Variants in CPEB4 observed in about 807,000 individuals in gnomAD.
CPEB4 encodes cytoplasmic polyadenylation element binding protein 4.
CPEB4 carries 12 observed loss-of-function variants against 72.5 expected under a neutral mutation model. That is an observed-to-expected ratio of 0.17 (90% CI 0.11 to 0.27). CPEB4 has a LOEUF of 0.27. Ranked by LOEUF, CPEB4 falls within the 10% of genes least tolerant of loss-of-function variation. The pLI is 1.00. For synonymous variants in CPEB4, 302 were observed against 326.3 expected (o/e 0.93, Z 0.80); for missense variants, 614 against 908.5 (o/e 0.68, Z 4.17).
chr5:173,890,119 G>T lies in CPEB4; in HGVS notation c.386G>T (p.Gly129Val). 1 of 1,614,160 alleles carries T rather than the reference G, an allele frequency of 6.2e-7. No homozygotes were observed. The highest frequency in any genetic ancestry group is 1.6e-4 in the Middle Eastern group (1 of 6,062). ...QGDNSSENGNGKEKIRIESPV... is the reference protein window; with the variant it reads ...QGDNSSENGNVKEKIRIESPV... ...GACAATTCTTCGGAAAATGGCAATG[G>T]GAAGGAGAAAATAAGGATCGAATCT... The change falls in exon 1 of 10, where the codon GGG becomes GTG. Residue 129 changes from glycine (G) to valine (V), a missense_variant. Around this residue, in one of 5 missense-constraint regions of CPEB4, gnomAD observed 458 missense variants for 548.6 expected, o/e 0.83. Transcript: ENST00000265085.
rs1326786955 is a variant in CPEB4, at chr5:173,945,050, C to T, written c.1366C>T (p.Pro456Ser). Residue 456 changes from proline (P) to serine (S), a missense_variant, in exon 5 of 10, where the codon CCT becomes TCT. Coordinates refer to ENST00000265085, the MANE Select transcript of CPEB4 (RefSeq NM_030627.4). ...GCCTCTTCATAGTGGCCTGGGTTCACCTCACTGCTTCAGTCACCAGAATGG... is the reference window on the plus strand; with the variant it reads ...GCCTCTTCATAGTGGCCTGGGTTCATCTCACTGCTTCAGTCACCAGAATGG... ...DQPLHSGLGS[P>S]HCFSHQNGER... The T allele has an allele frequency of 9.9e-6, 16 of 1,613,874 alleles. No homozygotes were observed. The East Asian group carries it at 3.6e-4, about 36-fold the overall frequency.
intron 1 of CPEB4, among the ~76,000 whole-genome samples, chr5:173,896,619 T>G (rs1756021776): frequency 6.6e-6 from 1 of 152,246 alleles, no homozygotes. Flanking sequence ...TGACTCTGAA[T>G]TTGAATGTAA....
chr5:173,923,063 TAAC>T (rs1458982663), intron 2 of CPEB4, among the ~76,000 whole-genome samples: 1 of 152,174 alleles, frequency 6.6e-6, no homozygotes, highest in East Asian at 1.9e-4. Context: ...TTCTGAGAAA[TAAC>T]AAAAGGTGAA....
Position 173,955,826 on chromosome 5 carries a change from C to A in CPEB4, c.1963-84C>A. ...TTGGGCACCTTGGAACAGATTCATT[C>A]AGATAGTGGGTGGAAATGTACATGT... is the stretch of plus-strand genomic sequence containing the variant. On this transcript the variant is annotated intron_variant, in intron 9 of 9. Transcript: ENST00000265085. This position sits in a 1 kb window ranked among gnomAD's most constrained non-coding sequence, Gnocchi z 4.7. 9.1e-7 allele frequency: 1 copy of A among 1,094,504 alleles called. No homozygotes were observed. Among genetic ancestry groups the A allele is most frequent in the Non-Finnish European group, 1.3e-6 (1 of 742,608 alleles). 67.8% of individuals were successfully genotyped at this position (1,094,504 alleles called of 1,614,324 possible).
intron 1 of CPEB4, among the ~76,000 whole-genome samples, chr5:173,908,571 G>A (rs1379778684): frequency 6.6e-6 from 1 of 152,226 alleles, no homozygotes; most frequent in African/African-American, 2.4e-5. Context: ...TCTGCATGAT[G>A]AGATGGGGTC....
Position 173,888,857 on chromosome 5 carries a change from C to A in CPEB4, c.-877C>A, listed in dbSNP as rs926224653. On this transcript the variant is annotated 5_prime_UTR_variant, in exon 1 of 10. Transcript: ENST00000265085. The surrounding 1 kb of genome is among the most constrained non-coding windows in gnomAD (Gnocchi z 4.3). Reference sequence around the variant, plus strand: ...TCCCCGCACCCCCAGGCCGCCCGCTCACCCTCGTCGAGTCTCGCTAATCCC... The same window carrying A: ...TCCCCGCACCCCCAGGCCGCCCGCTAACCCTCGTCGAGTCTCGCTAATCCC... The A allele has an allele frequency of 1.1e-5, 3 of 274,668 alleles. No homozygotes were observed. The highest frequency in any genetic ancestry group is 2.0e-5 in the Non-Finnish European group (3 of 148,530). 17.0% of individuals were successfully genotyped at this position (274,668 alleles called of 1,614,324 possible). A position where few individuals can be genotyped will look rare whatever the true frequency, so the allele number is the denominator to read the frequency against.
In CPEB4 at chr5:173,961,935, A is replaced by C. The variant is rs1758562943; in HGVS notation, c.*5798A>C. ...AGAGGACTAGGATAGTCCTTTCCACAAGAAAAAGACAAAAAAAAATAAAGT... is the reference window on the plus strand; with the variant it reads ...AGAGGACTAGGATAGTCCTTTCCACCAGAAAAAGACAAAAAAAAATAAAGT... On this transcript the variant is annotated 3_prime_UTR_variant, in exon 10 of 10. Coordinates refer to ENST00000265085, the MANE Select transcript of CPEB4 (RefSeq NM_030627.4). 6.9e-6 allele frequency: 1 copy of C among 144,254 alleles called. No individual in the cohort carries two copies. The highest frequency in any genetic ancestry group is 2.4e-5 in the African/African-American group (1 of 41,142). 8.9% of individuals were successfully genotyped at this position (144,254 alleles called of 1,614,324 possible).
Position 173,960,632 on chromosome 5 carries a change from A to G in CPEB4, c.*4495A>G, listed in dbSNP as rs1758519765. The G allele has an allele frequency of 6.6e-6, 1 of 152,240 alleles. No individual in the cohort carries two copies. The highest frequency in any genetic ancestry group is 6.5e-5 in the Admixed American group (1 of 15,286). The allele number at this position is 152,240 out of a possible 1,614,324, so 9.4% of individuals were successfully genotyped here. ...GCATTCAGTTATCAGTTGAAGGCCA[A>G]ATGCCCAACAAAAGTGAAAAACCCA... On this transcript the variant is annotated 3_prime_UTR_variant, in exon 10 of 10. Transcript: ENST00000265085.
intron 5 of CPEB4, 75 bp from the exon 6 acceptor site, chr5:173,949,433 A>C: frequency 9.3e-7 from 1 of 1,078,916 alleles, no homozygotes; most frequent in South Asian, 1.4e-5. Context: ...AGTAGATTTG[A>C]AACTTAAAAG....
At chr5:173,909,766 A>T (rs1756574846) in intron 1 of CPEB4, among the ~76,000 whole-genome samples, 1 of 152,022 alleles carries the variant, frequency 6.6e-6, no homozygotes, top group Non-Finnish European at 1.5e-5. Context: ...TTGGGAGGCT[A>T]GGCAGGTGGA....
At chr5:173,934,219 C>G (rs1348461912) in intron 3 of CPEB4, among the ~76,000 whole-genome samples, 3 of 152,110 alleles carry the variant, frequency 2.0e-5, no homozygotes, top group Non-Finnish European at 4.4e-5. Context: ...ATGAGATTGC[C>G]TTTCCTTTTT....
chr5:173,945,131 A>G lies in CPEB4; in HGVS notation c.1447A>G (p.Ile483Val). 1.9e-6 allele frequency: 3 copies of G among 1,613,600 alleles called. No individual in the cohort carries two copies. The highest frequency in any genetic ancestry group is 2.2e-5 in the South Asian group (2 of 91,032). The stretch of plus-strand genomic sequence containing the variant: ...GTTTGTAGGCGGATTGCCTCCAGAC[A>G]TTGATGAAGGTATGTTTAGAACTGT... ...KVFVGGLPPDIDEDEITASFR... is the reference protein window; with the variant it reads ...KVFVGGLPPDVDEDEITASFR... Residue 483 changes from isoleucine (I) to valine (V), a missense_variant, in exon 5 of 10, where the codon ATT (isoleucine) becomes GTT (valine). Physicochemically the swap from Ile to Val is conservative, Grantham distance 29. Coordinates refer to ENST00000265085, the MANE Select transcript of CPEB4 (RefSeq NM_030627.4).
chr5:173,903,085 C>T (rs1473675537), intron 1 of CPEB4, among the ~76,000 whole-genome samples: 1 of 149,510 alleles, frequency 6.7e-6, no homozygotes, highest in African/African-American at 2.5e-5. Context: ...AAGCTATATG[C>T]TTAAGATATG....
At chr5:173,907,971 G>A (rs1282605621) in intron 1 of CPEB4, among the ~76,000 whole-genome samples, 2 of 152,218 alleles carry the variant, frequency 1.3e-5, no homozygotes, top group Non-Finnish European at 1.5e-5. Flanking sequence ...CAAGTGAACA[G>A]ACACCAGGAA....
At chr5:173,921,714 A>T (rs2113209008) in intron 2 of CPEB4, among the ~76,000 whole-genome samples, 1 of 152,226 alleles carries the variant, frequency 6.6e-6, no homozygotes, top group Non-Finnish European at 1.5e-5. Context: ...CATGGTTTGG[A>T]AGTGTCTTAT....
chr5:173,890,709 A>G lies in CPEB4; in HGVS notation c.976A>G (p.Thr326Ala). Residue 326 changes from threonine (T) to alanine (A), a missense_variant, in exon 1 of 10, where the codon ACG (threonine) becomes GCG (alanine). This residue lies in a region of CPEB4 where 458 missense variants were observed against 548.6 expected (regional missense o/e 0.83). Coordinates refer to ENST00000265085, the MANE Select transcript of CPEB4 (RefSeq NM_030627.4). The stretch of plus-strand genomic sequence containing the variant: ...CCGCAGAGGGCTGAATGGTGGAATA[A>G]CGCCCCTGAACTCCATCTCGCCTTT... The part of the protein sequence containing the change: ...DHRRGLNGGI[T>A]PLNSISPLKK... The G allele has an allele frequency of 6.2e-7, 1 of 1,614,168 alleles. No individual in the cohort carries two copies.
chr5:173,947,121 C>A (rs1201258677), intron 5 of CPEB4, among the ~76,000 whole-genome samples: 3 of 151,614 alleles, frequency 2.0e-5, no homozygotes, highest in African/African-American at 4.9e-5. Context: ...TGTTCCTTTA[C>A]CCTGCCCTAT....
At chr5:173,904,050 T>C (rs987271603) in intron 1 of CPEB4, among the ~76,000 whole-genome samples, 2 of 152,234 alleles carry the variant, frequency 1.3e-5, no homozygotes, top group Admixed American at 1.3e-4. Flanking sequence ...TGATGAGGTT[T>C]AAGCATTGTG....
At chr5:173,896,393 T>C (rs1272957354) in intron 1 of CPEB4, among the ~76,000 whole-genome samples, 1 of 152,226 alleles carries the variant, frequency 6.6e-6, no homozygotes, top group Non-Finnish European at 1.5e-5. Flanking sequence ...TATTGGAGAT[T>C]CCCATCCATT....
Sources: allele counts gnomAD v4.1 joint callset (sites outside exome capture counted in the v4.1 genomes callset), GRCh38; gene constraint gnomAD v4.1.1; regional missense constraint gnomAD v4.1.1; non-coding constraint Gnocchi (gnomAD v3.1); transcripts MANE v1.5; gene names NCBI Gene and HGNC (gene_info 2026-07-23, HGNC 2026-07-21).